Variants in ORMDL2 observed in about 807,000 individuals in gnomAD.
ORMDL2 encodes the protein ORM1-like protein 2.
In ORMDL2, 11 loss-of-function variants were observed where a neutral mutation model predicts 13.5. That is an observed-to-expected ratio of 0.82 (90% CI 0.51 to 1.35). ORMDL2 has a LOEUF of 1.35. Among genes scored for constraint, ORMDL2 ranks in the 40% most tolerant of loss-of-function variants. ORMDL2 has a pLI of 0.00. For synonymous variants in ORMDL2, 73 were observed against 76.5 expected, an observed-to-expected ratio of 0.95 and a Z score of 0.24; for missense variants, 160 against 191.1, an observed-to-expected ratio of 0.84 and a Z score of 0.96.
In ORMDL2 at chr12:55,819,236, TCAC is replaced by T; in HGVS notation, c.174+66_174+68del. 1.9e-6 allele frequency: 3 copies of T among 1,590,602 alleles called. No homozygotes were observed. In the South Asian group the frequency reaches 3.3e-5, roughly 18 times the overall value. ...TTTCCCAACCAAAAGCAAAATAAAA[TCAC>T]CAATTGTTTGGGGATTTATGTGTTC... On this transcript the variant is annotated intron_variant, in intron 2 of 3. Coordinates refer to ENST00000243045, the MANE Select transcript of ORMDL2 (RefSeq NM_014182.5).
chr12:55,819,980 T>G (rs1019164764), intron 3 of ORMDL2, among the ~76,000 whole-genome samples: 5 of 152,180 alleles, frequency 3.3e-5, no homozygotes, highest in Non-Finnish European at 2.9e-5. Context: ...GCTGGAATAG[T>G]TTTAGATAAT....
At chr12:55,819,521 C>G (rs1386749256) in intron 3 of ORMDL2, 28 bp downstream of exon 3, 2 of 1,605,538 alleles carry the variant, frequency 1.2e-6, no homozygotes, top group Admixed American at 1.7e-5. Context: ...ATGAGATATG[C>G]TGGGTTAGAA....
intron 3 of ORMDL2, 26 bp downstream of exon 3, chr12:55,819,519 T>G: frequency 6.2e-7 from 1 of 1,607,106 alleles, no homozygotes; most frequent in African/African-American, 1.3e-5. Context: ...AAATGAGATA[T>G]GCTGGGTTAG....
chr12:55,819,259 G>A, intron 2 of ORMDL2, 83 bp from the exon 3 acceptor site: 1 of 1,588,836 alleles, frequency 6.3e-7, no homozygotes, highest in Admixed American at 1.7e-5. Context: ...GGGGATTTAT[G>A]TGTTCCTTTT....
At chr12:55,818,337 T>C (rs539336534) in intron 1 of ORMDL2, 4 of 306,228 alleles carry the variant, frequency 1.3e-5, no homozygotes, top group African/African-American at 6.7e-5. Flanking sequence ...ATCATCAGCT[T>C]TAGAGCTACC....
Position 55,821,532 on chromosome 12 carries a change from C to T in ORMDL2, c.*1137C>T, listed in dbSNP as rs1431310685. ...CCTAGGTTCTTTACTCTAGCTACCC[C>T]CTATTTCTTTGGTATTGTCAAAAGA... On this transcript the variant is annotated 3_prime_UTR_variant, in exon 4 of 4. Transcript: ENST00000243045. The T allele has an allele frequency of 6.5e-6, 1 of 154,094 alleles. No individual in the cohort carries two copies. Among genetic ancestry groups the T allele is most frequent in the Admixed American group, 6.5e-5 (1 of 15,370 alleles). 9.5% of individuals were successfully genotyped at this position (154,094 alleles called of 1,614,324 possible).
chr12:55,820,421 G>A lies in ORMDL2; in HGVS notation c.*26G>A, dbSNP rs1273536593. The A allele has an allele frequency of 1.2e-6, 2 of 1,613,550 alleles. No homozygotes were observed. Among genetic ancestry groups the A allele is most frequent in the Non-Finnish European group, 1.7e-6 (2 of 1,179,480 alleles). ...GGGATGGGTTTTGGGACAGCTCCAT[G>A]GGCATGGGGAAGGCACTGAAACAGA... On this transcript the variant is annotated 3_prime_UTR_variant, in exon 4 of 4. Coordinates refer to ENST00000243045, the MANE Select transcript of ORMDL2 (RefSeq NM_014182.5).
At chr12:55,818,592 T>TG in intron 1 of ORMDL2, 1 of 192,096 alleles carries the variant, frequency 5.2e-6, no homozygotes, top group East Asian at 1.4e-4. Context: ...AGCTTTACTC[T>TG]GTCATCCCTT....
chr12:55,819,287 C>G, intron 2 of ORMDL2, 55 bp from the exon 3 acceptor site: 1 of 1,592,642 alleles, frequency 6.3e-7, no homozygotes, highest in African/African-American at 1.3e-5. Context: ...TAACATAATT[C>G]TTTGACTGAA....
Position 55,820,528 on chromosome 12 carries a change from C to A in ORMDL2, c.*133C>A. 2 of 1,097,168 alleles carry A rather than the reference C, an allele frequency of 1.8e-6. 1 individual carries two copies. The highest frequency in any genetic ancestry group is 2.7e-5 in the South Asian group (2 of 74,070). The allele number at this position is 1,097,168 out of a possible 1,614,324, so 68.0% of individuals were successfully genotyped here. ...TGAGAACTATACAACCTTTCCCAGA[C>A]TCCCAAGAAGAGAAGAGATTGGCAA... On this transcript the variant is annotated 3_prime_UTR_variant, in exon 4 of 4. Coordinates refer to ENST00000243045, the MANE Select transcript of ORMDL2 (RefSeq NM_014182.5).
At position 55,820,132 on chromosome 12, in the gene ORMDL2, C is replaced by T. The variant is rs756445898; in HGVS notation, c.327-128C>T. ...CCCAGGAGTTTGAGGTTGTACTGCA[C>T]GTATCACACTTATGAATAGCCACTG... On this transcript the variant is annotated intron_variant, in intron 3 of 3. Coordinates refer to ENST00000243045, the MANE Select transcript of ORMDL2 (RefSeq NM_014182.5). The T allele has an allele frequency of 8.4e-6, 7 of 828,534 alleles. No homozygotes were observed. The East Asian group carries it at 9.8e-5, about 12-fold the overall frequency. The allele number at this position is 828,534 out of a possible 1,614,324, so 51.3% of individuals were successfully genotyped here. A position where few individuals can be genotyped will look rare whatever the true frequency, so the allele number is the denominator to read the frequency against.
In ORMDL2 at chr12:55,821,035, T is replaced by G. The variant is rs1341826853; in HGVS notation, c.*640T>G. ...ATAATCCCCTGGCTTTAAATAGTCA[T>G]GTACATACAAATATGAACAAACTTA... On this transcript the variant is annotated 3_prime_UTR_variant, in exon 4 of 4. Coordinates refer to ENST00000243045, the MANE Select transcript of ORMDL2 (RefSeq NM_014182.5). 6.5e-6 allele frequency: 1 copy of G among 152,724 alleles called. No individual in the cohort carries two copies. Among genetic ancestry groups the G allele is most frequent in the East Asian group, 1.9e-4 (1 of 5,202 alleles). 9.5% of individuals were successfully genotyped at this position (152,724 alleles called of 1,614,324 possible).
intron 3 of ORMDL2, 146 bp downstream of exon 3, chr12:55,819,639 G>A: frequency 1.5e-6 from 1 of 682,886 alleles, no homozygotes; most frequent in Admixed American, 2.9e-5. Context: ...TAAGCCTACA[G>A]AGAGCAGTAA....
At position 55,818,683 on chromosome 12, in the gene ORMDL2, C is replaced by T. The variant is rs191182725; in HGVS notation, c.-1-316C>T. On this transcript the variant is annotated intron_variant, in intron 1 of 3. Transcript: ENST00000243045. ...ACCTCTTCATGGTTATTAACTTCTT[C>T]AGCAAAGTCAGATACTCCTATTTCC... The T allele has an allele frequency of 9.3e-4, 275 of 295,052 alleles. 2 individuals carry two copies. The highest frequency in any genetic ancestry group is 5.6e-3 in the African/African-American group (265 of 47,444). 18.3% of individuals were successfully genotyped at this position (295,052 alleles called of 1,614,324 possible).
intron 2 of ORMDL2, 24 bp from the exon 3 acceptor site, chr12:55,819,318 C>T (rs185032010): frequency 1.2e-6 from 2 of 1,606,358 alleles, no homozygotes; most frequent in East Asian, 2.2e-5. Context: ...CTGCCCCTCA[C>T]ACTGCCACCT....
Position 55,819,459 on chromosome 12 carries a change from T to TC in ORMDL2, c.295dup (p.Arg99ProfsTer22). ...GGACTATGGGCTCCAGTTTACCTCT[T>TC]CCCGCAAGTTCCTCAGCATCTCTCC... On this transcript the variant is annotated frameshift_variant, in exon 3 of 4. Coordinates refer to ENST00000243045, the MANE Select transcript of ORMDL2 (RefSeq NM_014182.5). LOFTEE classifies it high-confidence loss of function. 1 of 1,614,114 alleles carries TC rather than the reference T, an allele frequency of 6.2e-7. No individual in the cohort carries two copies. The highest frequency in any genetic ancestry group is 8.5e-7 in the Non-Finnish European group (1 of 1,180,016).
rs900496526 is a variant in ORMDL2, at chr12:55,818,115, A to G, written c.-2+3A>G. The G allele has an allele frequency of 8.3e-6, 4 of 481,552 alleles. No individual in the cohort carries two copies. The highest frequency in any genetic ancestry group is 1.3e-4 in the East Asian group (2 of 15,896). The allele number at this position is 481,552 out of a possible 1,614,324, so 29.8% of individuals were successfully genotyped here. The stretch of plus-strand genomic sequence containing the variant: ...CGGACGGGGATCTGAGCTGGCAGGT[A>G]GGAGCTGCAAAGACTGTAAGGGTTG... On this transcript the variant is annotated splice_donor_region_variant and intron_variant, in intron 1 of 3. Transcript: ENST00000243045.
Position 55,821,780 on chromosome 12 carries a change from C to T in ORMDL2, c.*1385C>T, listed in dbSNP as rs1880671747. 1 of 437,716 alleles carries T rather than the reference C, an allele frequency of 2.3e-6. No homozygotes were observed. Among genetic ancestry groups the T allele is most frequent in the Non-Finnish European group, 3.8e-6 (1 of 261,910 alleles). The allele number at this position is 437,716 out of a possible 1,614,324, so 27.1% of individuals were successfully genotyped here. A position where few individuals can be genotyped will look rare whatever the true frequency, so the allele number is the denominator to read the frequency against. ...GCTGAGATGGGAGAATTGCTTGAAC[C>T]CGGGAGACAGAGGTTGCAGTAAGCT... On this transcript the variant is annotated 3_prime_UTR_variant, in exon 4 of 4. Coordinates refer to ENST00000243045, the MANE Select transcript of ORMDL2 (RefSeq NM_014182.5).
chr12:55,820,568 C>A lies in ORMDL2; in HGVS notation c.*173C>A. 1 of 730,854 alleles carries A rather than the reference C, an allele frequency of 1.4e-6. No individual in the cohort carries two copies. Among genetic ancestry groups the A allele is most frequent in the Non-Finnish European group, 2.3e-6 (1 of 441,624 alleles). The allele number at this position is 730,854 out of a possible 1,614,324, so 45.3% of individuals were successfully genotyped here. On this transcript the variant is annotated 3_prime_UTR_variant, in exon 4 of 4. Coordinates refer to ENST00000243045, the MANE Select transcript of ORMDL2 (RefSeq NM_014182.5). ...GAGATTGGCAAATGGGGCTCCTGGG[C>A]CCAGTCCTGCTAGTGGCAAGTTTCT... is the stretch of plus-strand genomic sequence containing the variant.
Sources: gnomAD v4.1 joint callset for allele counts (sites outside exome capture counted in the v4.1 genomes callset) on GRCh38, gnomAD v4.1.1 for gene constraint, MANE v1.5 for transcripts, NCBI Gene and HGNC (gene_info 2026-07-23, HGNC 2026-07-21) for gene names.